The following MRPL15 variants were observed in gnomAD, a reference collection of about 807,000 sequenced individuals.
MRPL15 encodes large ribosomal subunit protein uL15m.
Under a neutral mutation model 28.0 loss-of-function variants are expected in MRPL15, and 24 were observed. The observed-to-expected ratio is 0.86, with a 90% confidence interval of 0.62 to 1.21. The LOEUF (loss-of-function observed/expected upper bound fraction) is 1.21, where lower values mean the gene tolerates loss of function less well. MRPL15 is among the 50% of genes most tolerant of loss of function. The pLI, the probability that MRPL15 is intolerant of heterozygous loss-of-function variation, is 0.00. For missense variants in MRPL15, 343 were observed against 372.4 expected (o/e 0.92, Z 0.65); for synonymous variants, 124 against 137.0 (o/e 0.90, Z 0.66).
intron 2 of MRPL15, 124 bp downstream of exon 2, chr8:54,136,789 TC>T: frequency 8.5e-7 from 1 of 1,181,776 alleles, no homozygotes; most frequent in Non-Finnish European, 1.2e-6. Context: ...TTGCTACTGT[TC>T]CCCTGAACCA....
At chr8:54,143,442 A>T (rs1370723732) in intron 4 of MRPL15, among the ~76,000 whole-genome samples, 1 of 152,138 alleles carries the variant, frequency 6.6e-6, no homozygotes, top group African/African-American at 2.4e-5. Flanking sequence ...GTAAATGACA[A>T]GTCCATCCAA....
intron 3 of MRPL15, among the ~76,000 whole-genome samples, chr8:54,140,784 G>A (rs977444465): frequency 3.3e-5 from 5 of 151,576 alleles, no homozygotes; most frequent in African/African-American, 4.8e-5. Context: ...GGGTTTCACC[G>A]TGTTAGCCAG....
intron 3 of MRPL15, among the ~76,000 whole-genome samples, chr8:54,142,286 C>T (rs1208039027): frequency 1.3e-5 from 2 of 152,026 alleles, no homozygotes; most frequent in African/African-American, 4.8e-5. Flanking sequence ...TCCTGAGTAG[C>T]TGGGACTACA....
chr8:54,147,613 C>G lies in MRPL15; in HGVS notation c.785C>G (p.Pro262Arg), dbSNP rs759413440. ...AAAATGCTCTGTACTAGGAAGGATCCAAGGCAGATTTTCTTTGGTCTTGCT... is the reference window on the plus strand; with the variant it reads ...AAAATGCTCTGTACTAGGAAGGATCGAAGGCAGATTTTCTTTGGTCTTGCT... Reference protein sequence around the residue: ...LFKMLCTRKDPRQIFFGLAPG... With the variant: ...LFKMLCTRKDRRQIFFGLAPG... Residue 262 changes from proline to arginine, a missense_variant, in exon 5 of 5, where the codon CCA becomes CGA. Pro to Arg is a moderately radical substitution (Grantham distance 103). Coordinates refer to ENST00000260102, the MANE Select transcript of MRPL15 (RefSeq NM_014175.4). The G allele has an allele frequency of 6.2e-7, 1 of 1,614,116 alleles. No homozygotes were observed. The highest frequency in any genetic ancestry group is 1.7e-5 in the Admixed American group (1 of 60,006).
chr8:54,136,387 A>T, intron 1 of MRPL15, 124 bp from the exon 2 acceptor site: 1 of 1,037,854 alleles, frequency 9.6e-7, no homozygotes, highest in Non-Finnish European at 1.4e-6. Context: ...GACATGCTTG[A>T]CACAATAGTG....
At chr8:54,147,285 TG>T in intron 4 of MRPL15, 96 bp from the exon 5 acceptor site, 1 of 876,218 alleles carries the variant, frequency 1.1e-6, no homozygotes, top group Non-Finnish European at 1.7e-6. Flanking sequence ...AACATCTCTA[TG>T]GTACAGAGTT....
chr8:54,135,570 CTTTTTTTTT>C (rs537299219), intron 1 of MRPL15, among the ~76,000 whole-genome samples, 179 bp downstream of exon 1: 41,332 of 117,096 alleles, frequency 0.35, 8,025 homozygotes, highest in East Asian at 0.73. Flanking sequence ...GCACCCAGTT[CTTTTTTTTT>C]TTTTTTTTTT....
At chr8:54,140,604 C>G (rs1215043569) in intron 3 of MRPL15, among the ~76,000 whole-genome samples, 2 of 90,468 alleles carry the variant, frequency 2.2e-5, no homozygotes, top group African/African-American at 4.3e-5. Context: ...GATGGAGTCT[C>G]GCTCTGTCAC....
At chr8:54,138,209 C>A (rs576717747) in intron 3 of MRPL15, among the ~76,000 whole-genome samples, 2 of 151,896 alleles carry the variant, frequency 1.3e-5, no homozygotes, top group South Asian at 4.1e-4. Flanking sequence ...CCACCTTGGC[C>A]TCCCAAAGTG....
Position 54,147,456 on chromosome 8 carries a change from C to A in MRPL15, c.628C>A (p.Leu210Met). The change falls in exon 5 of 5, where the codon CTG becomes ATG. Residue 210 changes from leucine (L) to methionine (M), a missense_variant. Transcript: ENST00000260102. ...AAAAAGAATGCTTCCACCAGAAGAA[C>A]TGGTACCATATTACACTGATGCAAA... The part of the protein sequence containing the change: ...IPKRMLPPEE[L>M]VPYYTDAKNR... 6.2e-7 allele frequency: 1 copy of A among 1,614,194 alleles called. No homozygotes were observed. Among genetic ancestry groups the A allele is most frequent in the Non-Finnish European group, 8.5e-7 (1 of 1,180,022 alleles).
intron 3 of MRPL15, among the ~76,000 whole-genome samples, chr8:54,140,230 T>G (rs1810895251): frequency 6.6e-6 from 1 of 152,096 alleles, no homozygotes; most frequent in Admixed American, 6.6e-5. Flanking sequence ...CGTTTCAGAG[T>G]TCAGAGCTAC....
Position 54,140,477 on chromosome 8 carries a change from G to A in MRPL15, c.430-2186G>A, listed in dbSNP as rs183873716. Among the ~76,000 whole-genome samples, 249 of 151,450 alleles carry A rather than the reference G, an allele frequency of 1.6e-3. 1 individual carries two copies. Among genetic ancestry groups the A allele is most frequent in the African/African-American group, 4.5e-3 (184 of 41,268 alleles). On this transcript the variant is annotated intron_variant, in intron 3 of 4. Coordinates refer to ENST00000260102, the MANE Select transcript of MRPL15 (RefSeq NM_014175.4). ...GGGGTTTTACCATGTTGGCCAGGCT[G>A]GTTTCAAACTCCAGACATCAAGTAC...
At chr8:54,138,296 A>G (rs1170604271) in intron 3 of MRPL15, among the ~76,000 whole-genome samples, 1 of 123,180 alleles carries the variant, frequency 8.1e-6, no homozygotes, top group Admixed American at 9.2e-5. Context: ...ACATATCAGG[A>G]AGATCTTTTT....
Position 54,142,700 on chromosome 8 carries a change from T to C in MRPL15, c.467T>C (p.Val156Ala). 6 of 1,614,140 alleles carry C rather than the reference T, an allele frequency of 3.7e-6. No homozygotes were observed. The highest frequency in any genetic ancestry group is 5.1e-6 in the Non-Finnish European group (6 of 1,179,992). ...DTFTAKVNIE[V>A]QLASELAIAA... ...TTTACGGCAAAAGTTAATATTGAAG[T>C]ACAGTTGGCTTCAGAACTAGCTATT... The change falls in exon 4 of 5, where the codon GTA (valine) becomes GCA (alanine). Residue 156 changes from valine (V) to alanine (A), a missense_variant. Val to Ala is a moderately conservative substitution (Grantham distance 64). Transcript: ENST00000260102.
At chr8:54,140,940 C>T (rs1488990342) in intron 3 of MRPL15, among the ~76,000 whole-genome samples, 3 of 145,846 alleles carry the variant, frequency 2.1e-5, no homozygotes, top group Admixed American at 6.8e-5. Flanking sequence ...TTTTTTTTTT[C>T]AGCTTAGAGG....
chr8:54,139,491 A>G (rs1476750444), intron 3 of MRPL15, among the ~76,000 whole-genome samples: 1 of 152,244 alleles, frequency 6.6e-6, no homozygotes, highest in Non-Finnish European at 1.5e-5. Context: ...ATTAAGCCTC[A>G]GTATTCTACC....
Position 54,135,397 on chromosome 8 carries a change from TG to T in MRPL15, c.108+9del. 1 of 1,527,332 alleles carries T rather than the reference TG, an allele frequency of 6.5e-7. No individual in the cohort carries two copies. Among genetic ancestry groups the T allele is most frequent in the Non-Finnish European group, 8.8e-7 (1 of 1,135,018 alleles). The allele number at this position is 1,527,332 out of a possible 1,614,324, so 94.6% of individuals were successfully genotyped here. On this transcript the variant is annotated splice_region_variant and intron_variant, in intron 1 of 4. Coordinates refer to ENST00000260102, the MANE Select transcript of MRPL15 (RefSeq NM_014175.4). The stretch of plus-strand genomic sequence containing the variant: ...ATCCCGGCTCCAAGAAACCGGTAAA[TG>T]GGTGGTGGCGGTGCGGGGAAGCGCT...
At chr8:54,144,442 A>G (rs1209176039) in intron 4 of MRPL15, among the ~76,000 whole-genome samples, 1 of 152,136 alleles carries the variant, frequency 6.6e-6, no homozygotes, top group East Asian at 1.9e-4. Flanking sequence ...AATAACTACC[A>G]TTTCCTTTTT....
intron 3 of MRPL15, among the ~76,000 whole-genome samples, chr8:54,140,622 G>A (rs1292136272): frequency 7.4e-5 from 10 of 135,306 alleles, no homozygotes; most frequent in African/African-American, 1.1e-4. Context: ...CACCCAGGCT[G>A]GAGTGCAGTG....
Sources: gnomAD v4.1 joint callset for allele counts (sites outside exome capture counted in the v4.1 genomes callset) on GRCh38, gnomAD v4.1.1 for gene constraint, MANE v1.5 for transcripts, NCBI Gene and HGNC (gene_info 2026-07-23, HGNC 2026-07-21) for gene names.